The following ARMC8 variants were observed in gnomAD, a reference collection of about 807,000 sequenced individuals.
ARMC8 encodes the protein armadillo repeat containing 8.
A neutral mutation model predicts 99.3 loss-of-function variants in ARMC8; 20 were observed. The ratio of observed to expected loss-of-function variants is 0.20; its 90% CI spans 0.14 to 0.29. The LOEUF (loss-of-function observed/expected upper bound fraction) is 0.29, where lower values mean the gene tolerates loss of function less well. Among genes scored for constraint, ARMC8 ranks in the 10% least tolerant of loss-of-function variants. The pLI, the probability that ARMC8 is intolerant of heterozygous loss-of-function variation, is 1.00. For synonymous variants in ARMC8, 263 were observed against 278.3 expected (o/e 0.95, Z 0.55); for missense variants, 569 against 809.5 (o/e 0.70, Z 3.60).
At position 138,241,869 on chromosome 3, in the gene ARMC8, T is replaced by G; in HGVS notation, c.924T>G (p.Ile308Met). Reference sequence around the variant, plus strand: ...GAGCTGAGACACTTGCCTATCTGATTGAACCAGATGTTGAGCTACAGAGAA... The same window carrying G: ...GAGCTGAGACACTTGCCTATCTGATGGAACCAGATGTTGAGCTACAGAGAA... ...VEGAETLAYL[I>M]EPDVELQRIA... The change falls in exon 11 of 22, where the codon ATT becomes ATG. Residue 308 changes from isoleucine to methionine, a missense_variant. Transcript: ENST00000469044. 6.2e-7 allele frequency: 1 copy of G among 1,614,128 alleles called. No homozygotes were observed. The highest frequency in any genetic ancestry group is 8.5e-7 in the Non-Finnish European group (1 of 1,179,984).
At chr3:138,277,889 A>G (rs192162147) in intron 18 of ARMC8, among the ~76,000 whole-genome samples, 17 of 152,314 alleles carry the variant, frequency 1.1e-4, no homozygotes, top group Non-Finnish European at 2.1e-4. Context: ...ACTATGGTGC[A>G]TTCATATAAT....
chr3:138,204,684 T>A (rs1410105725), intron 1 of ARMC8, among the ~76,000 whole-genome samples: 2 of 152,222 alleles, frequency 1.3e-5, no homozygotes, highest in African/African-American at 4.8e-5. Flanking sequence ...TCACTAGGAT[T>A]TGACATAGTT....
intron 5 of ARMC8, among the ~76,000 whole-genome samples, chr3:138,224,901 C>T (rs1413891904): frequency 6.6e-6 from 1 of 152,052 alleles, no homozygotes; most frequent in Middle Eastern, 3.2e-3. Flanking sequence ...TTAAAAAGAC[C>T]CATTTTTATC....
At chr3:138,265,260 C>T (rs1330591602) in intron 14 of ARMC8, among the ~76,000 whole-genome samples, 1 of 151,846 alleles carries the variant, frequency 6.6e-6, no homozygotes, top group African/African-American at 2.4e-5. Context: ...CCTTTTGTCC[C>T]CCCCAAAAAA....
Position 138,246,542 on chromosome 3 carries a change from T to C in ARMC8, c.1134+1359T>C, listed in dbSNP as rs759783509. 3.0e-4 allele frequency: 293 copies of C among 985,520 alleles called. 1 individual carries two copies. Among genetic ancestry groups the C allele is most frequent in the Admixed American group, 1.8e-4 (3 of 16,258 alleles). The allele number at this position is 985,520 out of a possible 1,614,324, so 61.0% of individuals were successfully genotyped here. ...TGTGTAACTTAAATACACAATTATT[T>C]GGTTTAGGATGGTTATTAGGGCCCA... On this transcript the variant is annotated intron_variant, in intron 12 of 21. Coordinates refer to ENST00000469044, the MANE Select transcript of ARMC8 (RefSeq NM_001363941.2).
At position 138,296,590 on chromosome 3, in the gene ARMC8, A is replaced by G. The variant is rs1224914007; in HGVS notation, c.*698A>G. The stretch of plus-strand genomic sequence containing the variant: ...AAGTTGGCTATAGTTGGCCTGATTA[A>G]CAGGCACTATACATGGTGCTGTGCA... On this transcript the variant is annotated 3_prime_UTR_variant, in exon 22 of 22. Transcript: ENST00000469044. 6.6e-6 allele frequency: 1 copy of G among 152,222 alleles called. No homozygotes were observed. Among genetic ancestry groups the G allele is most frequent in the East Asian group, 1.9e-4 (1 of 5,198 alleles). The allele number at this position is 152,222 out of a possible 1,614,324, so 9.4% of individuals were successfully genotyped here.
chr3:138,198,823 T>C (rs2043889060), intron 1 of ARMC8, among the ~76,000 whole-genome samples: 2 of 152,138 alleles, frequency 1.3e-5, no homozygotes, highest in Non-Finnish European at 2.9e-5. Flanking sequence ...TATAGCCTTA[T>C]ATTTTAGAGT....
intron 2 of ARMC8, among the ~76,000 whole-genome samples, chr3:138,214,321 C>T (rs1483589116): frequency 6.6e-6 from 1 of 151,318 alleles, no homozygotes; most frequent in African/African-American, 2.4e-5. Flanking sequence ...TTCAGTCAGG[C>T]ACTTGTGGAT....
chr3:138,263,634 AAAC>A (rs1250142733), intron 12 of ARMC8, 102 bp from the exon 13 acceptor site: 4 of 1,070,974 alleles, frequency 3.7e-6, no homozygotes, highest in Non-Finnish European at 5.8e-6. Context: ...CTCTTGCCAA[AAAC>A]AACGTTAAAC....
chr3:138,202,261 T>C (rs1434384391), intron 1 of ARMC8, among the ~76,000 whole-genome samples: 1 of 152,208 alleles, frequency 6.6e-6, no homozygotes, highest in Non-Finnish European at 1.5e-5. Context: ...GAATACCTCA[T>C]TGGGAATTGT....
chr3:138,231,169 A>G (rs2046006350), intron 6 of ARMC8, among the ~76,000 whole-genome samples: 1 of 152,222 alleles, frequency 6.6e-6, no homozygotes, highest in African/African-American at 2.4e-5. Flanking sequence ...AAAGCCTAAA[A>G]TACAATATTA....
chr3:138,195,284 CAA>C (rs945623878), intron 1 of ARMC8, among the ~76,000 whole-genome samples: 14 of 55,298 alleles, frequency 2.5e-4, no homozygotes, highest in Admixed American at 2.0e-4. Flanking sequence ...GACTCCGTCT[CAA>C]AAAAAAAAAA....
rs772265977 is a variant in ARMC8 at position 138,245,209 on chromosome 3, C to A, written c.1134+26C>A. 5 of 1,614,196 alleles carry A rather than the reference C, an allele frequency of 3.1e-6. No individual in the cohort carries two copies. In the East Asian group the frequency reaches 1.1e-4, roughly 36 times the overall value. On this transcript the variant is annotated intron_variant, in intron 12 of 21. Transcript: ENST00000469044. ...GTGAGTCTGGGAGAGGGGCGTCCCC[C>A]AGTCCTGACAGCCAGCAGGCAGGGA...
At chr3:138,210,962 G>A (rs980122870) in intron 2 of ARMC8, among the ~76,000 whole-genome samples, 8 of 151,250 alleles carry the variant, frequency 5.3e-5, no homozygotes, top group African/African-American at 1.2e-4. Context: ...TTATTTTCAC[G>A]GCTTCTCAGT....
intron 15 of ARMC8, among the ~76,000 whole-genome samples, chr3:138,268,342 GATGGA>G (rs1334037067): frequency 6.6e-6 from 1 of 152,198 alleles, no homozygotes. Context: ...TAGTTACCCT[GATGGA>G]AGAGAAAGGC....
At chr3:138,194,576 G>A (rs2043599933) in intron 1 of ARMC8, among the ~76,000 whole-genome samples, 1 of 151,532 alleles carries the variant, frequency 6.6e-6, no homozygotes, top group Non-Finnish European at 1.5e-5. Context: ...CTGACCTCGT[G>A]ATCTGCCCAC....
intron 16 of ARMC8, among the ~76,000 whole-genome samples, chr3:138,272,516 C>T (rs1168685443): frequency 6.6e-6 from 1 of 152,122 alleles, no homozygotes; most frequent in Non-Finnish European, 1.5e-5. Flanking sequence ...AGGTGATTAA[C>T]AAGAATCAAG....
intron 2 of ARMC8, among the ~76,000 whole-genome samples, chr3:138,211,168 G>A (rs1348027495): frequency 2.0e-5 from 3 of 151,994 alleles, no homozygotes; most frequent in Non-Finnish European, 4.4e-5. Context: ...TCGTCAAGGG[G>A]GCAGGTTTTA....
intron 1 of ARMC8, among the ~76,000 whole-genome samples, chr3:138,195,542 ACCT>A (rs1253905945): frequency 6.6e-6 from 1 of 152,068 alleles, no homozygotes; most frequent in African/African-American, 2.4e-5. Context: ...CCTTCTTATC[ACCT>A]CCTATTTTCG....
Sources: allele counts gnomAD v4.1 joint callset (sites outside exome capture counted in the v4.1 genomes callset), GRCh38; gene constraint gnomAD v4.1.1; transcripts MANE v1.5; gene names NCBI Gene and HGNC (gene_info 2026-07-23, HGNC 2026-07-21).